Variants in CNTNAP5 observed in about 807,000 individuals in gnomAD.
CNTNAP5 encodes contactin-associated protein-like 5.
Under a neutral mutation model 150.2 loss-of-function variants are expected in CNTNAP5, and 72 were observed. That is an observed-to-expected ratio of 0.48 (90% CI 0.40 to 0.58). The LOEUF (loss-of-function observed/expected upper bound fraction) is 0.58. Among genes scored for constraint, CNTNAP5 ranks in the 20% least tolerant of loss-of-function variants. The pLI is 0.00. For synonymous variants in CNTNAP5, 672 were observed against 619.8 expected, an observed-to-expected ratio of 1.08 and a Z score of -1.25; for missense variants, 1,636 against 1,626.2, an observed-to-expected ratio of 1.01 and a Z score of -0.10.
Position 124,417,529 on chromosome 2 carries a change from C to T in CNTNAP5, c.468C>T (p.Pro156=). 6.2e-7 allele frequency: 1 copy of T among 1,613,712 alleles called. No individual in the cohort carries two copies. The highest frequency in any genetic ancestry group is 8.5e-7 in the Non-Finnish European group (1 of 1,179,808). ...SVRARFVRFV[P]LEWNPSGKIG... is the part of the protein sequence containing the mutation. ...GAGCCCGATTTGTTCGCTTTGTGCC[C>T]CTGGAATGGAATCCCAGTGGGAAGA... is the stretch of plus-strand genomic sequence containing the variant. The change falls in exon 4 of 24, where the codon CCC becomes CCT. Residue 156 remains proline, a synonymous_variant. Coordinates refer to ENST00000682447, the MANE Select transcript of CNTNAP5 (RefSeq NM_001367498.1).
At chr2:124,340,685 G>C (rs951723740) in intron 3 of CNTNAP5, among the ~76,000 whole-genome samples, 2 of 151,698 alleles carry the variant, frequency 1.3e-5, no homozygotes, top group Non-Finnish European at 2.9e-5. Flanking sequence ...TTGGGAGCCT[G>C]AGATGGGACG....
At chr2:124,576,514 A>G in intron 11 of CNTNAP5, among the ~76,000 whole-genome samples, 1 of 152,186 alleles carries the variant, frequency 6.6e-6, no homozygotes, top group East Asian at 1.9e-4. Context: ...CCATCAGAGG[A>G]GAAGCTGGGC....
chr2:124,176,841 G>GATTTTTTTTT (rs1685076877), intron 1 of CNTNAP5, among the ~76,000 whole-genome samples: 2 of 97,888 alleles, frequency 2.0e-5, no homozygotes, highest in Non-Finnish European at 4.3e-5. Context: ...TGTTATTGCT[G>GATTTTTTTTT]GTTTTTTTTT....
At chr2:124,737,927 A>T (rs1435563605) in intron 13 of CNTNAP5, among the ~76,000 whole-genome samples, 1 of 151,972 alleles carries the variant, frequency 6.6e-6, no homozygotes, top group Non-Finnish European at 1.5e-5. Context: ...ATTAAAAAAA[A>T]GCATGAATCT....
chr2:124,084,558 C>T (rs963712849), intron 1 of CNTNAP5, among the ~76,000 whole-genome samples: 8 of 151,928 alleles, frequency 5.3e-5, no homozygotes, highest in Admixed American at 2.6e-4. Flanking sequence ...CCTGAGCCAC[C>T]GTGCCTGCCC....
intron 13 of CNTNAP5, among the ~76,000 whole-genome samples, chr2:124,706,528 C>T (rs1305745319): frequency 6.6e-6 from 1 of 151,966 alleles, no homozygotes; most frequent in African/African-American, 2.4e-5. Flanking sequence ...AGGTGAATCA[C>T]TTGAGGTCAG....
At chr2:124,437,441 C>T (rs987696174) in intron 5 of CNTNAP5, among the ~76,000 whole-genome samples, 13 of 152,094 alleles carry the variant, frequency 8.5e-5, no homozygotes, top group African/African-American at 2.9e-4. Context: ...TTACTTGTCC[C>T]ATTTATACAG....
intron 3 of CNTNAP5, among the ~76,000 whole-genome samples, chr2:124,328,290 G>T (rs936705525): frequency 6.6e-6 from 1 of 152,152 alleles, no homozygotes; most frequent in African/African-American, 2.4e-5. Flanking sequence ...GATGTTCTCT[G>T]TTCTTCAAAC....
rs961896871 is a variant in CNTNAP5 at position 124,200,220 on chromosome 2, C to T, written c.83-21485C>T. On this transcript the variant is annotated intron_variant, in intron 1 of 23. Transcript: ENST00000682447. Reference sequence around the variant, plus strand: ...CTATTGAACTAATCATATTAGTTATCTCCTTTTAGCTTTCAATTTGGTAAA... The same window carrying T: ...CTATTGAACTAATCATATTAGTTATTTCCTTTTAGCTTTCAATTTGGTAAA... Among the ~76,000 whole-genome samples the T allele has an allele frequency of 5.3e-5, 8 of 152,256 alleles. 1 individual carries two copies. The South Asian group carries it at 1.7e-3, about 32-fold the overall frequency.
At chr2:124,088,666 A>G (rs1682750487) in intron 1 of CNTNAP5, among the ~76,000 whole-genome samples, 1 of 152,066 alleles carries the variant, frequency 6.6e-6, no homozygotes, top group African/African-American at 2.4e-5. Context: ...CATTCTATTC[A>G]GTCTCCATTG....
chr2:124,384,205 A>G (rs1573957920), intron 3 of CNTNAP5, among the ~76,000 whole-genome samples: 1 of 152,192 alleles, frequency 6.6e-6, no homozygotes, highest in Non-Finnish European at 1.5e-5. Flanking sequence ...AATGAAGGTC[A>G]GATTTTTATA....
intron 3 of CNTNAP5, among the ~76,000 whole-genome samples, chr2:124,404,369 G>A (rs1214267403): frequency 6.6e-6 from 1 of 150,836 alleles, no homozygotes; most frequent in Non-Finnish European, 1.5e-5. Context: ...TAGGTCGGCT[G>A]GCTACAGTGA....
chr2:124,687,937 T>C (rs1446593041), intron 13 of CNTNAP5, among the ~76,000 whole-genome samples: 1 of 152,104 alleles, frequency 6.6e-6, no homozygotes, highest in African/African-American at 2.4e-5. Context: ...TTTATTCAAG[T>C]ACATTTTACT....
chr2:124,589,357 T>C (rs1504017), intron 11 of CNTNAP5, among the ~76,000 whole-genome samples: 43,655 of 152,138 alleles, frequency 0.29, 6,586 homozygotes, highest in African/African-American at 0.34. Context: ...TTGTAGCATG[T>C]CTCATTCCTT....
intron 2 of CNTNAP5, among the ~76,000 whole-genome samples, chr2:124,241,612 A>G (rs1686888156): frequency 6.6e-6 from 1 of 152,146 alleles, no homozygotes; most frequent in East Asian, 1.9e-4. Context: ...AGCACCCAGC[A>G]TACTCCTGGT....
At chr2:124,580,397 C>A (rs1335885976) in intron 11 of CNTNAP5, among the ~76,000 whole-genome samples, 1 of 152,216 alleles carries the variant, frequency 6.6e-6, no homozygotes, top group Non-Finnish European at 1.5e-5. Context: ...CTGTTCAAAC[C>A]ATGTTCAAAT....
intron 1 of CNTNAP5, among the ~76,000 whole-genome samples, chr2:124,059,905 T>A (rs937318929): frequency 6.6e-6 from 1 of 152,162 alleles, no homozygotes; most frequent in Admixed American, 6.5e-5. Context: ...CATGATATTA[T>A]GAAAGGAAAG....
chr2:124,085,761 A>C (rs1682673715), intron 1 of CNTNAP5, among the ~76,000 whole-genome samples: 1 of 152,132 alleles, frequency 6.6e-6, no homozygotes, highest in South Asian at 2.1e-4. Context: ...GTTTGATCCA[A>C]TTTATTATTT....
intron 6 of CNTNAP5, among the ~76,000 whole-genome samples, chr2:124,460,966 AG>A (rs1693233107): frequency 1.3e-5 from 2 of 152,356 alleles, no homozygotes; most frequent in Admixed American, 1.3e-4. Flanking sequence ...GTAGATGCAA[AG>A]GGAAAATAAC....
Sources: allele counts gnomAD v4.1 joint callset (sites outside exome capture counted in the v4.1 genomes callset), GRCh38; gene constraint gnomAD v4.1.1; transcripts MANE v1.5; gene names NCBI Gene and HGNC (gene_info 2026-07-23, HGNC 2026-07-21).